Variants in RP1L1 observed in about 807,000 individuals in gnomAD.
RP1L1 encodes the protein RP1 like 1, also known as retinitis pigmentosa 1-like 1 protein.
Under a neutral mutation model 15.7 loss-of-function variants are expected in RP1L1, and 27 were observed. That is an observed-to-expected ratio of 1.72 (90% confidence interval 1.27 to 2.38). RP1L1 has a LOEUF of 2.38. Among genes scored for constraint, RP1L1 ranks in the 30% most tolerant of loss-of-function variants. The probability of loss-of-function intolerance (pLI) is 0.00; values close to 1 mark genes in which losing one functional copy is unlikely to be tolerated. For synonymous variants in RP1L1, 1,813 were observed against 1,276.7 expected, an observed-to-expected ratio of 1.42 and a Z score of -8.96; for missense variants, 4,798 against 3,075.9, an observed-to-expected ratio of 1.56 and a Z score of -13.24.
At chr8:10,640,533 A>G (rs536465190) in intron 1 of RP1L1, among the ~76,000 whole-genome samples, 202 of 152,016 alleles carry the variant, frequency 1.3e-3, no homozygotes, top group African/African-American at 4.7e-3. Flanking sequence ...GGTGCCTGTA[A>G]TCTCAGTTGC....
chr8:10,652,117 G>C (rs949559582), intron 1 of RP1L1, among the ~76,000 whole-genome samples: 1 of 152,098 alleles, frequency 6.6e-6, no homozygotes, highest in Non-Finnish European at 1.5e-5. Flanking sequence ...ATCTAGTTTC[G>C]TGCAAGTATA....
chr8:10,627,378 G>A (rs1342910407), intron 1 of RP1L1, among the ~76,000 whole-genome samples: 3 of 152,120 alleles, frequency 2.0e-5, no homozygotes, highest in Admixed American at 6.5e-5. Flanking sequence ...GAAATGAGCC[G>A]GTTACAAAAG....
At chr8:10,613,981 A>T (rs1028362358) in intron 3 of RP1L1, among the ~76,000 whole-genome samples, 1 of 152,096 alleles carries the variant, frequency 6.6e-6, no homozygotes, top group African/African-American at 2.4e-5. Context: ...AAGCATAATA[A>T]TATTGATTGG....
rs370532304 is a variant in RP1L1 at position 10,608,416 on chromosome 8, C to T, written c.5682G>A (p.Glu1894=). The T allele has an allele frequency of 2.2e-5, 36 of 1,606,162 alleles. No individual in the cohort carries two copies. The Middle Eastern group carries it at 6.6e-4, about 30-fold the overall frequency. ...ACTCTGGCTGGACCTCCCATTCTGC[C>T]TCTGGGGTCTCTACATCTTCTGACT... is the stretch of plus-strand genomic sequence containing the variant. ...QPESEDVETP[E]AEWEVQPESE... is the part of the protein sequence containing the mutation. The change falls in exon 4 of 4, where the codon GAG becomes GAA. Residue 1894 remains glutamate, a synonymous_variant. Coordinates refer to ENST00000382483, the MANE Select transcript of RP1L1 (RefSeq NM_178857.6).
chr8:10,608,162 G>T lies in RP1L1; in HGVS notation c.5936C>A (p.Ala1979Asp), dbSNP rs766290237. The change falls in exon 4 of 4, where the codon GCC (alanine) becomes GAC (aspartate). Residue 1979 changes from alanine (A) to aspartate (D), a missense_variant. Physicochemically the swap from Ala to Asp is moderately radical, Grantham distance 126. Transcript: ENST00000382483. ...EAQPESEDVE[A>D]LEVEVETQEA... is the part of the protein sequence containing the mutation. Reference sequence around the variant, plus strand: ...CTGGGTCTCCACTTCAACCTCCAGGGCCTCTACATCTTCTGACTCTGGCTG... The same window carrying T: ...CTGGGTCTCCACTTCAACCTCCAGGTCCTCTACATCTTCTGACTCTGGCTG... 1 of 1,612,114 alleles carries T rather than the reference G, an allele frequency of 6.2e-7. No homozygotes were observed. The highest frequency in any genetic ancestry group is 1.7e-5 in the Admixed American group (1 of 59,836).
chr8:10,628,520 C>T (rs1279924446), intron 1 of RP1L1, among the ~76,000 whole-genome samples: 1 of 152,162 alleles, frequency 6.6e-6, no homozygotes, highest in African/African-American at 2.4e-5. Context: ...GGCTAAGAAC[C>T]TGTGATCCAA....
At chr8:10,614,657 T>A (rs1238322653) in intron 3 of RP1L1, among the ~76,000 whole-genome samples, 3 of 104,092 alleles carry the variant, frequency 2.9e-5, no homozygotes, top group African/African-American at 3.7e-5. Flanking sequence ...TAAGATTCTG[T>A]CGTCAAAAAA....
chr8:10,625,457 C>T (rs943576272), intron 1 of RP1L1, among the ~76,000 whole-genome samples: 1 of 151,120 alleles, frequency 6.6e-6, no homozygotes, highest in African/African-American at 2.4e-5. Flanking sequence ...GGGGTGTGGT[C>T]CCTGCTCTCC....
At chr8:10,646,985 G>A (rs953159659) in intron 1 of RP1L1, among the ~76,000 whole-genome samples, 2 of 152,172 alleles carry the variant, frequency 1.3e-5, no homozygotes, top group East Asian at 1.9e-4. Flanking sequence ...AGCCTCGCCC[G>A]AGGCGGAACC....
At chr8:10,633,360 A>G (rs1226228511) in intron 1 of RP1L1, among the ~76,000 whole-genome samples, 1 of 152,206 alleles carries the variant, frequency 6.6e-6, no homozygotes, top group Non-Finnish European at 1.5e-5. Flanking sequence ...AAGGCAACCC[A>G]GAAAGGCCAG....
chr8:10,637,276 G>C (rs915580080), intron 1 of RP1L1, among the ~76,000 whole-genome samples: 2 of 152,180 alleles, frequency 1.3e-5, no homozygotes, highest in Non-Finnish European at 2.9e-5. Context: ...AGAGTGGCAA[G>C]GTCCTCTCAC....
chr8:10,606,953 G>T lies in RP1L1; in HGVS notation c.7145C>A (p.Ala2382Asp). The change falls in exon 4 of 4, where the codon GCC becomes GAC. Residue 2382 changes from alanine to aspartate, a missense_variant. Ala to Asp is a moderately radical substitution (Grantham distance 126, BLOSUM62 -2). Transcript: ENST00000382483. The part of the protein sequence containing the change: ...LQEDQALGSL[A>D]PTEAVGRADG... ...TGCCCTGCCCACTGCCTCAGTGGGG[G>T]CGAGACTTCCGAGTGCCTGGTCCTC... 6.2e-7 allele frequency: 1 copy of T among 1,614,244 alleles called. No individual in the cohort carries two copies.
chr8:10,650,176 A>G (rs1798537769), intron 1 of RP1L1, among the ~76,000 whole-genome samples: 1 of 152,210 alleles, frequency 6.6e-6, no homozygotes, highest in African/African-American at 2.4e-5. Context: ...CGTGATCATG[A>G]GGAGAAAGCC....
In RP1L1 at chr8:10,609,538, G is replaced by A. The variant is rs777286562; in HGVS notation, c.4560C>T (p.Ser1520=). Reference sequence around the variant, plus strand: ...CCTTCTCCGTCTTCTTCAGTAACACGGACACCCAGATGGGGTCGCAGTCCA... The same window carrying A: ...CCTTCTCCGTCTTCTTCAGTAACACAGACACCCAGATGGGGTCGCAGTCCA... ...AALDCDPIWV[S]VLLKKTEKAF... is the part of the protein sequence containing the mutation. Residue 1520 remains serine, a synonymous_variant, in exon 4 of 4, where the codon TCC becomes TCT. Coordinates refer to ENST00000382483, the MANE Select transcript of RP1L1 (RefSeq NM_178857.6). 3.2e-5 allele frequency: 51 copies of A among 1,606,298 alleles called. No homozygotes were observed. The Admixed American group carries it at 5.3e-4, about 17-fold the overall frequency.
intron 1 of RP1L1, among the ~76,000 whole-genome samples, chr8:10,634,063 G>T (rs988341828): frequency 6.6e-6 from 1 of 152,128 alleles, no homozygotes; most frequent in African/African-American, 2.4e-5. Context: ...CCTACAACAA[G>T]GCAGATAGAG....
At chr8:10,625,108 G>A (rs73201165) in intron 1 of RP1L1, among the ~76,000 whole-genome samples, 15,644 of 152,210 alleles carry the variant, frequency 0.1, 1,018 homozygotes, top group Admixed American at 0.19. Flanking sequence ...ACGCAAAATC[G>A]CGTATCAGTC....
Position 10,608,988 on chromosome 8 carries a change from C to T in RP1L1, c.5110G>A (p.Glu1704Lys). ...TTGCCAGGGGCCACCTCTGCTGCCT[C>T]CCCATCAGTGTGTTCTCCCCTCTTC... ...QRKRGEHTDG[E>K]AAEVAPGKTH... is the part of the protein sequence containing the mutation. Residue 1704 changes from glutamate to lysine, a missense_variant, in exon 4 of 4, where the codon GAG becomes AAG. By Grantham distance (56) the Glu-to-Lys change is moderately conservative. Transcript: ENST00000382483. 6.2e-7 allele frequency: 1 copy of T among 1,613,206 alleles called. No homozygotes were observed. Among genetic ancestry groups the T allele is most frequent in the Non-Finnish European group, 8.5e-7 (1 of 1,179,208 alleles).
chr8:10,612,811 G>A lies in RP1L1; in HGVS notation c.1287C>T (p.Ala429=), dbSNP rs1309248055. The part of the protein sequence containing the change: ...RVAARKRWGL[A]QHVRCSGLWG... The stretch of plus-strand genomic sequence containing the variant: ...ACAGGCCACTGCAGCGGACGTGCTG[G>A]GCCAGTCCCCACCTCTTCCGAGCTG... The change falls in exon 4 of 4, where the codon GCC becomes GCT. Residue 429 remains alanine, a synonymous_variant. Coordinates refer to ENST00000382483, the MANE Select transcript of RP1L1 (RefSeq NM_178857.6). The A allele has an allele frequency of 1.2e-6, 2 of 1,611,686 alleles. No homozygotes were observed. Among genetic ancestry groups the A allele is most frequent in the African/African-American group, 1.3e-5 (1 of 74,936 alleles).
At position 10,612,524 on chromosome 8, in the gene RP1L1, G is replaced by T; in HGVS notation, c.1574C>A (p.Ala525Asp). The change falls in exon 4 of 4, where the codon GCC becomes GAC. Residue 525 changes from alanine (A) to aspartate (D), a missense_variant. Physicochemically the swap from Ala to Asp is moderately radical, Grantham distance 126. Transcript: ENST00000382483. ...PEQGGRLTPR[A>D]RSEEGASSDS... ...CGAAGAAGCCCCCTCCTCACTCCGG[G>T]CCCTCGGTGTCAGGCGGCCGCCTTG... 1 of 1,610,860 alleles carries T rather than the reference G, an allele frequency of 6.2e-7. No homozygotes were observed.
Sources: allele counts gnomAD v4.1 joint callset (sites outside exome capture counted in the v4.1 genomes callset), GRCh38; gene constraint gnomAD v4.1.1; transcripts MANE v1.5; gene names NCBI Gene and HGNC (gene_info 2026-07-23, HGNC 2026-07-21).